CLPX: variants seen among roughly 807,000 people sequenced by gnomAD.
CLPX encodes ATP-dependent clpX-like chaperone, mitochondrial.
CLPX carries 34 observed loss-of-function variants against 76.4 expected under a neutral mutation model. The ratio of observed to expected loss-of-function variants is 0.45; its 90% CI spans 0.34 to 0.59. CLPX has a LOEUF of 0.59. CLPX is among the 20% of genes least tolerant of loss of function. The probability of loss-of-function intolerance (pLI) is 0.01; values close to 1 mark genes in which losing one functional copy is unlikely to be tolerated. For synonymous variants in CLPX, 248 were observed against 270.9 expected (o/e 0.92, Z 0.83); for missense variants, 613 against 757.0 (o/e 0.81, Z 2.23).
chr15:65,160,603 TCTCTCTCTCTCTCTCTCTCTCA>T (rs1448227709), intron 6 of CLPX, among the ~76,000 whole-genome samples: 1 of 121,538 alleles, frequency 8.2e-6, no homozygotes, highest in African/African-American at 3.4e-5. Context: ...TCTCTCTCTC[TCTCTCTCTCTCTCTCTCTCTCA>T]CACACACACA....
chr15:65,158,055 A>G (rs911209208), intron 7 of CLPX, 145 bp from the exon 8 acceptor site: 22 of 653,264 alleles, frequency 3.4e-5, no homozygotes, highest in East Asian at 2.2e-4. Flanking sequence ...TTTTTTAGAG[A>G]CAGGTTCTTG....
intron 11 of CLPX, 48 bp from the exon 12 acceptor site, chr15:65,153,687 C>T (rs750847519): frequency 8.7e-7 from 1 of 1,146,918 alleles, no homozygotes. Context: ...TTAATTTGTA[C>T]CACCAGAAAA....
chr15:65,184,684 C>G (rs935794391), intron 1 of CLPX, among the ~76,000 whole-genome samples: 14 of 152,342 alleles, frequency 9.2e-5, no homozygotes, highest in African/African-American at 3.1e-4. Context: ...GGATCCCGGC[C>G]AGGCTGCGGA....
At chr15:65,155,622 G>C in intron 10 of CLPX, 70 bp downstream of exon 10, 1 of 1,278,802 alleles carries the variant, frequency 7.8e-7, no homozygotes, top group Non-Finnish European at 1.1e-6. Context: ...CCGCAGATAT[G>C]AGAATGGAAA....
chr15:65,174,904 G>A (rs1015408592), intron 3 of CLPX, among the ~76,000 whole-genome samples: 1 of 152,034 alleles, frequency 6.6e-6, no homozygotes, highest in Non-Finnish European at 1.5e-5. Flanking sequence ...CTCTCAAAAC[G>A]CTGCGTACTG....
Position 65,152,840 on chromosome 15 carries a change from G to A in CLPX, c.1705-304C>T, listed in dbSNP as rs1184656179. On this transcript the variant is annotated intron_variant, in intron 12 of 13. Transcript: ENST00000300107. Reference sequence around the variant, plus strand: ...TTGAACTCCTGAGCTCAGGCAATCCGCCTGCCTCAGCCTCCCAAAGTGCTA... The same window carrying A: ...TTGAACTCCTGAGCTCAGGCAATCCACCTGCCTCAGCCTCCCAAAGTGCTA... Among the ~76,000 whole-genome samples, 3 of 151,082 alleles carry A rather than the reference G, an allele frequency of 2.0e-5. No homozygotes were observed. The East Asian group carries it at 5.9e-4, about 30-fold the overall frequency.
Position 65,185,249 on chromosome 15 carries a change from C to A in CLPX, c.-96G>T. On this transcript the variant is annotated 5_prime_UTR_variant, in exon 1 of 14. Transcript: ENST00000300107. ...CAAGGCGCGCTGACTCGGTTCCGAA[C>A]CCTTTCGCGGGCCCTAGACCCCGTG... The A allele has an allele frequency of 9.5e-7, 1 of 1,052,298 alleles. No homozygotes were observed. 65.2% of individuals were successfully genotyped at this position (1,052,298 alleles called of 1,614,324 possible).
intron 1 of CLPX, among the ~76,000 whole-genome samples, chr15:65,183,725 G>T (rs1227836340): frequency 6.6e-6 from 1 of 152,040 alleles, no homozygotes; most frequent in Non-Finnish European, 1.5e-5. Context: ...CTGACCAAAG[G>T]GAACACACAC....
At chr15:65,151,456 G>GA (rs529752332) in intron 13 of CLPX, among the ~76,000 whole-genome samples, 39,015 of 74,100 alleles carry the variant, frequency 0.53, 10,695 homozygotes, top group East Asian at 0.79. Flanking sequence ...ATTACTGGGA[G>GA]AAAAAAAAAA....
chr15:65,165,623 G>C (rs1476412863), intron 4 of CLPX, among the ~76,000 whole-genome samples: 1 of 151,506 alleles, frequency 6.6e-6, no homozygotes, highest in East Asian at 1.9e-4. Flanking sequence ...CTGACCTCAT[G>C]ATCCGCCCGC....
intron 5 of CLPX, among the ~76,000 whole-genome samples, chr15:65,163,619 T>G (rs866662467): frequency 6.6e-6 from 1 of 152,168 alleles, no homozygotes; most frequent in Non-Finnish European, 1.5e-5. Context: ...GTATACTGTA[T>G]AATGACTACA....
rs571392301 is a variant in CLPX at position 65,172,971 on chromosome 15, C to T, written c.358+5963G>A. Among the ~76,000 whole-genome samples, 19 of 152,220 alleles carry T rather than the reference C, an allele frequency of 1.2e-4. No individual in the cohort carries two copies. The South Asian group carries it at 1.9e-3, about 15-fold the overall frequency. On this transcript the variant is annotated intron_variant, in intron 3 of 13. Coordinates refer to ENST00000300107, the MANE Select transcript of CLPX (RefSeq NM_006660.5). ...GTGAGGCTACTGTCAGCTATGATTGCGCCACTGCATCGTAGCCTGGGCGAC... is the reference window on the plus strand; with the variant it reads ...GTGAGGCTACTGTCAGCTATGATTGTGCCACTGCATCGTAGCCTGGGCGAC...
chr15:65,153,057 C>G lies in CLPX; in HGVS notation c.1704+490G>C, dbSNP rs531351495. Among the ~76,000 whole-genome samples, 6 of 151,848 alleles carry G rather than the reference C, an allele frequency of 4.0e-5. No individual in the cohort carries two copies. The East Asian group carries it at 1.2e-3, about 29-fold the overall frequency. ...AGTTACCAGGCCCGATCCCGATTTT[C>G]TGTGTCATTAATCATATTATGTCTA... On this transcript the variant is annotated intron_variant, in intron 12 of 13. Transcript: ENST00000300107.
chr15:65,174,035 G>C (rs2088051545), intron 3 of CLPX, among the ~76,000 whole-genome samples: 1 of 152,120 alleles, frequency 6.6e-6, no homozygotes, highest in Admixed American at 6.5e-5. Context: ...GAGTGCAGTG[G>C]TGCGATCTGG....
chr15:65,153,293 T>C (rs1161918838), intron 12 of CLPX, among the ~76,000 whole-genome samples: 1 of 151,886 alleles, frequency 6.6e-6, no homozygotes, highest in East Asian at 1.9e-4. Context: ...CCACTAAAAA[T>C]ACAAAAATTA....
intron 3 of CLPX, among the ~76,000 whole-genome samples, chr15:65,167,728 A>G (rs1241931905): frequency 6.6e-6 from 1 of 151,220 alleles, no homozygotes; most frequent in Non-Finnish European, 1.5e-5. Context: ...AAAAAAAAAA[A>G]AATACAAAAA....
rs1426133805 is a variant in CLPX, at chr15:65,169,063, GC to G, written c.359-2279del. On this transcript the variant is annotated intron_variant, in intron 3 of 13. Coordinates refer to ENST00000300107, the MANE Select transcript of CLPX (RefSeq NM_006660.5). ...TTTTGAGATGGAGTCTTGCTCTGTC[GC>G]CCAGGCTGGAGTGCAGTGGTACAAT... Among the ~76,000 whole-genome samples, 4 of 144,026 alleles carry G rather than the reference GC, an allele frequency of 2.8e-5. No homozygotes were observed. In the Admixed American group the frequency reaches 2.9e-4, roughly 10 times the overall value. The allele number at this position is 144,026 out of a possible 152,430, so 94.5% of individuals were successfully genotyped here. A position where few individuals can be genotyped will look rare whatever the true frequency, so the allele number is the denominator to read the frequency against.
At chr15:65,159,300 T>G (rs997598057) in intron 6 of CLPX, among the ~76,000 whole-genome samples, 1 of 152,194 alleles carries the variant, frequency 6.6e-6, no homozygotes, top group Non-Finnish European at 1.5e-5. Context: ...ACATTGCTAA[T>G]GACTAGATGG....
In CLPX at chr15:65,153,536, T is replaced by C; in HGVS notation, c.1704+11A>G. The C allele has an allele frequency of 1.3e-6, 2 of 1,520,412 alleles. No individual in the cohort carries two copies. Among genetic ancestry groups the C allele is most frequent in the Non-Finnish European group, 1.8e-6 (2 of 1,106,888 alleles). 94.2% of individuals were successfully genotyped at this position (1,520,412 alleles called of 1,614,324 possible). A position where few individuals can be genotyped will look rare whatever the true frequency, so the allele number is the denominator to read the frequency against. ...AGAAATAATTGTTTTTATAGAATAATGCCAACTCACCATTATGGACCGAAG... is the reference window on the plus strand; with the variant it reads ...AGAAATAATTGTTTTTATAGAATAACGCCAACTCACCATTATGGACCGAAG... On this transcript the variant is annotated intron_variant, in intron 12 of 13. Coordinates refer to ENST00000300107, the MANE Select transcript of CLPX (RefSeq NM_006660.5).
Sources: allele counts gnomAD v4.1 joint callset (sites outside exome capture counted in the v4.1 genomes callset), GRCh38; gene constraint gnomAD v4.1.1; transcripts MANE v1.5; gene names NCBI Gene and HGNC (gene_info 2026-07-23, HGNC 2026-07-21).